Variants in TP63 observed in about 807,000 individuals in gnomAD.
TP63 encodes tumor protein p63.
TP63 carries 17 observed loss-of-function variants against 82.8 expected under a neutral mutation model. That is an observed-to-expected ratio of 0.21 (90% CI 0.14 to 0.31). The LOEUF (loss-of-function observed/expected upper bound fraction) is 0.31, where lower values mean the gene tolerates loss of function less well. Ranked by LOEUF, TP63 falls within the 10% of genes least tolerant of loss-of-function variation. The pLI, the probability that TP63 is intolerant of heterozygous loss-of-function variation, is 1.00. For synonymous variants in TP63, 330 were observed against 321.7 expected (o/e 1.03, Z -0.28); for missense variants, 648 against 895.3 (o/e 0.72, Z 3.52).
intron 3 of TP63, among the ~76,000 whole-genome samples, chr3:189,788,949 AAAG>A (rs1292994427): frequency 6.6e-6 from 1 of 151,828 alleles, no homozygotes; most frequent in Non-Finnish European, 1.5e-5. Flanking sequence ...AAAAAAAAAA[AAAG>A]AAGAAAGAAA....
At chr3:189,622,070 G>A in the TP63 span, among the ~76,000 whole-genome samples, 1 of 152,208 alleles carries the variant, frequency 6.6e-6, no homozygotes, top group Non-Finnish European at 1.5e-5. Context: ...TCCCACAGAA[G>A]CATTTGATCA....
chr3:189,868,462 G>A, intron 7 of TP63, 118 bp from the exon 8 acceptor site: 4 of 1,476,900 alleles, frequency 2.7e-6, no homozygotes, highest in Non-Finnish European at 3.7e-6. Flanking sequence ...AAGCCGCCAT[G>A]GCTAAGCTGG....
chr3:189,600,868 A>G, the TP63 span, among the ~76,000 whole-genome samples: 2 of 152,208 alleles, frequency 1.3e-5, no homozygotes, highest in South Asian at 4.1e-4. Context: ...CCACAAATAA[A>G]TTTCTTGAGA....
At chr3:189,607,703 A>T in the TP63 span, among the ~76,000 whole-genome samples, 3 of 151,958 alleles carry the variant, frequency 2.0e-5, no homozygotes, top group Admixed American at 2.0e-4. Flanking sequence ...ATATATATTT[A>T]AAATTATCGT....
At chr3:189,875,613 T>TATATATATATATACAC (rs1553859701) in intron 10 of TP63, among the ~76,000 whole-genome samples, 2 of 105,506 alleles carry the variant, frequency 1.9e-5, no homozygotes, top group African/African-American at 8.0e-5. Flanking sequence ...TATATATATA[T>TATATATATATATACAC]ATATATATAT....
chr3:189,651,008 G>A (rs371887356), intron 1 of TP63, among the ~76,000 whole-genome samples: 8 of 147,440 alleles, frequency 5.4e-5, no homozygotes, highest in African/African-American at 2.0e-4. Flanking sequence ...GTGAAGTCCA[G>A]GCTGAGGTGG....
chr3:189,628,169 G>A (rs1729361728), upstream of TP63, among the ~76,000 whole-genome samples: 1 of 152,118 alleles, frequency 6.6e-6, no homozygotes, highest in African/African-American at 2.4e-5. Context: ...ATATAATTAT[G>A]TAGGACAGTA....
intron 1 of TP63, among the ~76,000 whole-genome samples, chr3:189,664,176 G>T (rs1301431593): frequency 2.6e-5 from 4 of 151,958 alleles, no homozygotes; most frequent in African/African-American, 4.8e-5. Flanking sequence ...CCTTTAAAGG[G>T]TTTAAGAGCT....
intron 3 of TP63, among the ~76,000 whole-genome samples, chr3:189,796,042 G>A (rs1223328711): frequency 6.6e-6 from 1 of 151,968 alleles, no homozygotes; most frequent in African/African-American, 2.4e-5. Context: ...AGTCGTCTTA[G>A]AAATAGGACC....
intron 1 of TP63, among the ~76,000 whole-genome samples, chr3:189,699,451 G>A (rs531713467): frequency 6.6e-6 from 1 of 152,048 alleles, no homozygotes; most frequent in Non-Finnish European, 1.5e-5. Flanking sequence ...TTCCTATTTT[G>A]TCTTGGAGTC....
upstream of TP63, chr3:189,631,187 T>C (rs1729437702): frequency 1.0e-6 from 1 of 978,904 alleles, no homozygotes. Flanking sequence ...CAGCTCCAAA[T>C]TGCCAACAAC....
At chr3:189,800,359 A>G (rs1054050554) in intron 3 of TP63, among the ~76,000 whole-genome samples, 1 of 151,966 alleles carries the variant, frequency 6.6e-6, no homozygotes, top group African/African-American at 2.4e-5. Flanking sequence ...GAGTGACAAG[A>G]TCAGATTTGC....
chr3:189,784,572 A>G (rs1724459156), intron 3 of TP63, among the ~76,000 whole-genome samples: 1 of 152,112 alleles, frequency 6.6e-6, no homozygotes, highest in Non-Finnish European at 1.5e-5. Flanking sequence ...GAGTACCTTA[A>G]CCATAAAAAG....
chr3:189,703,297 G>T (rs1049146618), intron 1 of TP63, among the ~76,000 whole-genome samples: 1 of 152,182 alleles, frequency 6.6e-6, no homozygotes, highest in Non-Finnish European at 1.5e-5. Flanking sequence ...AGCTGGTCGT[G>T]GGGGCATGCG....
chr3:189,864,772 C>T (rs1717490185), intron 5 of TP63, among the ~76,000 whole-genome samples: 2 of 151,824 alleles, frequency 1.3e-5, no homozygotes, highest in East Asian at 1.9e-4. Flanking sequence ...TTTGCGAGGC[C>T]GAGGTGGGCA....
chr3:189,793,430 A>G (rs1448988207), intron 3 of TP63, among the ~76,000 whole-genome samples: 1 of 152,090 alleles, frequency 6.6e-6, no homozygotes, highest in African/African-American at 2.4e-5. Flanking sequence ...TCTGAATGCA[A>G]AGTTGCTAAA....
chr3:189,801,035 G>C (rs939630313), intron 3 of TP63, among the ~76,000 whole-genome samples: 2 of 151,928 alleles, frequency 1.3e-5, no homozygotes, highest in African/African-American at 4.8e-5. Flanking sequence ...TTAATCACCC[G>C]TTGTTTTAAG....
chr3:189,864,653 T>G (rs1024761154), intron 5 of TP63, among the ~76,000 whole-genome samples: 5 of 150,478 alleles, frequency 3.3e-5, no homozygotes, highest in African/African-American at 1.2e-4. Flanking sequence ...CTAGATGACC[T>G]GAACTACTGG....
At chr3:189,756,785 G>A (rs1722221510) in intron 3 of TP63, among the ~76,000 whole-genome samples, 1 of 152,168 alleles carries the variant, frequency 6.6e-6, no homozygotes, top group Non-Finnish European at 1.5e-5. Context: ...CAGGGAAATA[G>A]TTCCCTTAAC....
Sources: allele counts gnomAD v4.1 joint callset (sites outside exome capture counted in the v4.1 genomes callset), GRCh38; gene constraint gnomAD v4.1.1; transcripts MANE v1.5; gene names NCBI Gene and HGNC (gene_info 2026-07-23, HGNC 2026-07-21).